EGF: variants seen among roughly 807,000 people sequenced by gnomAD.
EGF encodes pro-epidermal growth factor.
EGF carries 95 observed loss-of-function variants against 143.8 expected under a neutral mutation model. That is an observed-to-expected ratio of 0.66 (90% confidence interval 0.56 to 0.78). EGF has a LOEUF of 0.78. Ranked by LOEUF, EGF falls within the 30% of genes least tolerant of loss-of-function variation. The pLI, the probability that EGF is intolerant of heterozygous loss-of-function variation, is 0.00. For synonymous variants in EGF, 510 were observed against 510.5 expected, an observed-to-expected ratio of 1.00 and a Z score of 0.01; for missense variants, 1,320 against 1,470.9, an observed-to-expected ratio of 0.90 and a Z score of 1.68.
rs1002184552 is a variant in EGF at position 110,013,512 on chromosome 4, T to C, written c.*2057T>C. On this transcript the variant is annotated 3_prime_UTR_variant, in exon 24 of 24. Transcript: ENST00000265171. Reference sequence around the variant, plus strand: ...ATCACCAAGGCACCCTGCAGAGATATCTTCTTCTTGCAACTTCACATCTTT... The same window carrying C: ...ATCACCAAGGCACCCTGCAGAGATACCTTCTTCTTGCAACTTCACATCTTT... Among the ~76,000 whole-genome samples, 7 of 152,164 alleles carry C rather than the reference T, an allele frequency of 4.6e-5. No homozygotes were observed. The highest frequency in any genetic ancestry group is 8.8e-5 in the Non-Finnish European group (6 of 68,032).
At position 109,954,103 on chromosome 4, in the gene EGF, G is replaced by A. The variant is rs554866500; in HGVS notation, c.941-5209G>A. 2.0e-4 allele frequency among the ~76,000 whole-genome samples: 30 copies of A among 152,286 alleles called. No individual in the cohort carries two copies. In the South Asian group the frequency reaches 2.5e-3, roughly 13 times the overall value. On this transcript the variant is annotated intron_variant, in intron 5 of 23. Transcript: ENST00000265171. ...GTCTCGCTCTGTCACCCATGCTGGA[G>A]TGCAGTGGCATGATCTTGGCTCACT...
Position 109,999,735 on chromosome 4 carries a change from A to G in EGF, c.3062A>G (p.Glu1021Gly). 2 of 1,613,514 alleles carry G rather than the reference A, an allele frequency of 1.2e-6. No homozygotes were observed. ...CAGTACCGAGACCTGAAGTGGTGGGAACTGCGCCACGCTGGCCACGGGCAG... is the reference window on the plus strand; with the variant it reads ...CAGTACCGAGACCTGAAGTGGTGGGGACTGCGCCACGCTGGCCACGGGCAG... ...RCQYRDLKWW[E>G]LRHAGHGQQQ... Residue 1021 changes from glutamate to glycine, a missense_variant, in exon 21 of 24, where the codon GAA becomes GGA. Physicochemically the swap from Glu to Gly is moderately conservative, Grantham distance 98 (BLOSUM62 -2). Coordinates refer to ENST00000265171, the MANE Select transcript of EGF (RefSeq NM_001963.6).
In EGF at chr4:110,013,492, C is replaced by T. The variant is rs1021668939; in HGVS notation, c.*2037C>T. Among the ~76,000 whole-genome samples, 1 of 152,080 alleles carries T rather than the reference C, an allele frequency of 6.6e-6. No individual in the cohort carries two copies. The highest frequency in any genetic ancestry group is 6.5e-5 in the Admixed American group (1 of 15,268). On this transcript the variant is annotated 3_prime_UTR_variant, in exon 24 of 24. Transcript: ENST00000265171. Reference sequence around the variant, plus strand: ...AACACACTTTGTGTTTTTTAATCACCAAGGCACCCTGCAGAGATATCTTCT... The same window carrying T: ...AACACACTTTGTGTTTTTTAATCACTAAGGCACCCTGCAGAGATATCTTCT...
intron 1 of EGF, among the ~76,000 whole-genome samples, chr4:109,929,103 A>T (rs1316028523): frequency 6.6e-6 from 1 of 152,184 alleles, no homozygotes; most frequent in Non-Finnish European, 1.5e-5. Flanking sequence ...CTTATGGTGA[A>T]TATGCCTAGA....
rs28662394 is a variant in EGF, at chr4:109,969,373, T to A, written c.1724+254T>A. On this transcript the variant is annotated intron_variant, in intron 11 of 23. Coordinates refer to ENST00000265171, the MANE Select transcript of EGF (RefSeq NM_001963.6). ...TAGGAAAAGAAAACCAAACACTGCA[T>A]GTTCTCACTCATAAGTGGGAGTTGA... 0.017 allele frequency among the ~76,000 whole-genome samples: 2,634 copies of A among 152,236 alleles called. 82 individuals carry two copies. Among genetic ancestry groups the A allele is most frequent in the African/African-American group, 0.059 (2,468 of 41,520 alleles).
Position 109,913,475 on chromosome 4 carries a change from A to T in EGF, c.127+13A>T. On this transcript the variant is annotated intron_variant, in intron 1 of 23. Coordinates refer to ENST00000265171, the MANE Select transcript of EGF (RefSeq NM_001963.6). ...TCTACTTGTGTGGGTAAGTACTCCA[A>T]TGAAAAGGTGCTCCAGGTCTCCGGG... 6.2e-7 allele frequency: 1 copy of T among 1,612,944 alleles called. No individual in the cohort carries two copies. The highest frequency in any genetic ancestry group is 8.5e-7 in the Non-Finnish European group (1 of 1,179,396).
chr4:109,928,187 T>G (rs540417452), intron 1 of EGF, among the ~76,000 whole-genome samples: 2 of 152,278 alleles, frequency 1.3e-5, no homozygotes, highest in East Asian at 3.9e-4. Context: ...AATTTAATGG[T>G]GAAAGGCCAG....
chr4:109,939,837 A>G (rs1741607795), intron 1 of EGF, among the ~76,000 whole-genome samples: 2 of 152,200 alleles, frequency 1.3e-5, no homozygotes, highest in Admixed American at 1.3e-4. Flanking sequence ...ATTACTTTTG[A>G]TGATAAAACA....
intron 13 of EGF, 133 bp downstream of exon 13, chr4:109,976,368 G>A: frequency 1.2e-6 from 1 of 819,586 alleles, no homozygotes; most frequent in Non-Finnish European, 2.1e-6. Context: ...GACTTCTCCA[G>A]GGAATCATGA....
At chr4:109,984,681 T>C (rs184706963) in intron 16 of EGF, among the ~76,000 whole-genome samples, 1 of 152,198 alleles carries the variant, frequency 6.6e-6, no homozygotes, top group Non-Finnish European at 1.5e-5. Flanking sequence ...CAAACCCGTG[T>C]TGTTCAAGGG....
chr4:109,943,718 G>A, intron 3 of EGF, 124 bp from the exon 4 acceptor site: 1 of 880,646 alleles, frequency 1.1e-6, no homozygotes, highest in Non-Finnish European at 1.9e-6. Context: ...TTTACTTGTT[G>A]AATAAATTTT....
At chr4:109,955,867 A>G (rs1744710120) in intron 5 of EGF, among the ~76,000 whole-genome samples, 1 of 152,230 alleles carries the variant, frequency 6.6e-6, no homozygotes, top group South Asian at 2.1e-4. Context: ...ATCAATGGAA[A>G]AAAGATGCAT....
At chr4:109,986,646 C>T (rs1035989221) in intron 16 of EGF, among the ~76,000 whole-genome samples, 1 of 151,834 alleles carries the variant, frequency 6.6e-6, no homozygotes, top group African/African-American at 2.4e-5. Flanking sequence ...AGTGAATAGA[C>T]AGATGATAAA....
Position 109,969,052 on chromosome 4 carries a change from G to A in EGF, c.1657G>A (p.Gly553Arg). 6.2e-7 allele frequency: 1 copy of A among 1,614,230 alleles called. No individual in the cohort carries two copies. The highest frequency in any genetic ancestry group is 8.5e-7 in the Non-Finnish European group (1 of 1,180,032). The change falls in exon 11 of 24, where the codon GGA (glycine) becomes AGA (arginine). Residue 553 changes from glycine (G) to arginine (R), a missense_variant. Gly to Arg is a moderately radical substitution (Grantham distance 125, BLOSUM62 -2). Transcript: ENST00000265171. ...CCAGCGAGAAAGGCTTATTGAGGAAGGAGTAGATGTGCCAGAAGGTCTTGC... is the reference window on the plus strand; with the variant it reads ...CCAGCGAGAAAGGCTTATTGAGGAAAGAGTAGATGTGCCAGAAGGTCTTGC... ...GSQRERLIEE[G>R]VDVPEGLAVD...
chr4:109,981,554 A>G (rs997984229), intron 15 of EGF, among the ~76,000 whole-genome samples: 7 of 152,198 alleles, frequency 4.6e-5, no homozygotes, highest in African/African-American at 1.4e-4. Context: ...GTGCACCCAA[A>G]CAATCTGGGC....
At chr4:109,948,271 G>A (rs1486866238) in intron 5 of EGF, among the ~76,000 whole-genome samples, 2 of 152,150 alleles carry the variant, frequency 1.3e-5, no homozygotes, top group African/African-American at 2.4e-5. Flanking sequence ...ATACTCCACA[G>A]GCAAAGGACT....
At chr4:110,004,319 G>C in intron 21 of EGF, 186 bp from the exon 22 acceptor site, 1 of 687,796 alleles carries the variant, frequency 1.5e-6, no homozygotes, top group East Asian at 2.6e-5. Flanking sequence ...AAAGCATTTT[G>C]AGTTCTGCAG....
intron 5 of EGF, among the ~76,000 whole-genome samples, chr4:109,949,153 G>T (rs144769541): frequency 6.6e-6 from 1 of 151,830 alleles, no homozygotes; most frequent in African/African-American, 2.4e-5. Context: ...TGCAACCTCC[G>T]CCTCCTGGGT....
At chr4:109,956,187 A>T (rs9307346) in intron 5 of EGF, among the ~76,000 whole-genome samples, 4,632 of 152,288 alleles carry the variant, frequency 0.03, 292 homozygotes, top group East Asian at 0.23. Context: ...GTGAATATCT[A>T]TTTCAACAAG....
Sources: allele counts gnomAD v4.1 joint callset (sites outside exome capture counted in the v4.1 genomes callset), GRCh38; gene constraint gnomAD v4.1.1; transcripts MANE v1.5; gene names NCBI Gene and HGNC (gene_info 2026-07-23, HGNC 2026-07-21).